The following NBEA variants were observed in gnomAD, a reference collection of about 807,000 sequenced individuals.
The protein encoded by NBEA is neurobeachin.
A neutral mutation model predicts 343.4 loss-of-function variants in NBEA; 44 were observed. The ratio of observed to expected loss-of-function variants is 0.13; its 90% CI spans 0.10 to 0.16. NBEA has a LOEUF of 0.16. Among genes scored for constraint, NBEA ranks in the 10% least tolerant of loss-of-function variants. The pLI is 1.00. For synonymous variants in NBEA, 1,175 were observed against 1,238.7 expected, an observed-to-expected ratio of 0.95 and a Z score of 1.08; for missense variants, 2,555 against 3,631.3, an observed-to-expected ratio of 0.70 and a Z score of 7.62.
intron 30 of NBEA, among the ~76,000 whole-genome samples, chr13:35,187,716 C>A (rs2071820588): frequency 6.6e-6 from 1 of 151,938 alleles, no homozygotes; most frequent in African/African-American, 2.4e-5. Flanking sequence ...AAAGATAAAG[C>A]AGATTATGTC....
intron 40 of NBEA, among the ~76,000 whole-genome samples, chr13:35,469,913 C>G (rs1036378357): frequency 6.6e-6 from 1 of 152,180 alleles, no homozygotes; most frequent in East Asian, 1.9e-4. Flanking sequence ...CTTATGTAAA[C>G]ATTTTAATAT....
intron 33 of NBEA, among the ~76,000 whole-genome samples, chr13:35,224,527 G>A (rs1010837515): frequency 6.6e-6 from 1 of 151,766 alleles, no homozygotes; most frequent in East Asian, 1.9e-4. Context: ...TCTTTCCTTG[G>A]CTTCATTGAG....
At chr13:35,201,010 A>T (rs78560492) in intron 31 of NBEA, among the ~76,000 whole-genome samples, 1 of 91,986 alleles carries the variant, frequency 1.1e-5, no homozygotes, top group South Asian at 3.7e-4. Context: ...TCTTATTACT[A>T]TTTTTTTAAA....
At chr13:35,223,566 T>G (rs1417943057) in intron 33 of NBEA, among the ~76,000 whole-genome samples, 7 of 152,200 alleles carry the variant, frequency 4.6e-5, no homozygotes, top group Non-Finnish European at 1.0e-4. Context: ...GATTTTCTCT[T>G]TATATTTGAA....
Position 35,282,069 on chromosome 13 carries a change from C to T in NBEA, c.5777-8320C>T, listed in dbSNP as rs183581209. Among the ~76,000 whole-genome samples, 1,056 of 151,580 alleles carry T rather than the reference C, an allele frequency of 7.0e-3. 11 individuals carry two copies. The highest frequency in any genetic ancestry group is 0.024 in the African/African-American group (992 of 41,234). ...CTGAGACTACAGGCGCCTGCTACCACGCCCGGCTAATTTTTTTTTTTTGTA... is the reference window on the plus strand; with the variant it reads ...CTGAGACTACAGGCGCCTGCTACCATGCCCGGCTAATTTTTTTTTTTTGTA... On this transcript the variant is annotated intron_variant, in intron 34 of 58. Transcript: ENST00000379939.
chr13:35,648,457 GT>G (rs2084354906), intron 51 of NBEA, among the ~76,000 whole-genome samples: 2 of 151,920 alleles, frequency 1.3e-5, no homozygotes, highest in African/African-American at 4.8e-5. Flanking sequence ...TGGCAGAAGA[GT>G]TTTATTCCCG....
At chr13:35,302,186 T>A (rs1406035114) in intron 35 of NBEA, among the ~76,000 whole-genome samples, 1 of 152,198 alleles carries the variant, frequency 6.6e-6, no homozygotes, top group Non-Finnish European at 1.5e-5. Flanking sequence ...TGAATTAGAT[T>A]ACTTTAGATA....
chr13:35,455,474 T>C (rs940940958), intron 40 of NBEA, among the ~76,000 whole-genome samples: 1 of 152,080 alleles, frequency 6.6e-6, no homozygotes, highest in African/African-American at 2.4e-5. Context: ...AACCAGCTTT[T>C]TTCGACATAT....
chr13:35,247,390 C>A (rs1344071117), intron 34 of NBEA, among the ~76,000 whole-genome samples: 1 of 152,294 alleles, frequency 6.6e-6, no homozygotes, highest in South Asian at 2.1e-4. Flanking sequence ...GGCAGCCCTC[C>A]CCAAAGACCC....
chr13:35,181,508 G>GTT (rs761872439), intron 28 of NBEA, among the ~76,000 whole-genome samples: 24 of 142,220 alleles, frequency 1.7e-4, no homozygotes, highest in African/African-American at 5.1e-4. Context: ...TTTTGGATGA[G>GTT]TTTTTTTTTT....
At chr13:35,657,694 A>C (rs1295795809) in intron 55 of NBEA, among the ~76,000 whole-genome samples, 1 of 152,208 alleles carries the variant, frequency 6.6e-6, no homozygotes, top group Non-Finnish European at 1.5e-5. Context: ...TAAAAAGTTT[A>C]ATTAAGCAGC....
intron 1 of NBEA, among the ~76,000 whole-genome samples, chr13:34,997,110 T>G (rs946632876): frequency 8.5e-5 from 13 of 152,166 alleles, no homozygotes; most frequent in African/African-American, 2.9e-4. Flanking sequence ...CTTCTCCAGT[T>G]TATACTGTTA....
chr13:35,433,587 G>T (rs1164896923), intron 39 of NBEA, among the ~76,000 whole-genome samples: 1 of 151,692 alleles, frequency 6.6e-6, no homozygotes, highest in South Asian at 2.1e-4. Flanking sequence ...AACTTAATAA[G>T]CATCAAAATA....
At chr13:35,296,360 G>T (rs993673977) in intron 35 of NBEA, among the ~76,000 whole-genome samples, 1 of 146,330 alleles carries the variant, frequency 6.8e-6, no homozygotes, top group Non-Finnish European at 1.5e-5. Context: ...CAGCCTAGGC[G>T]ACAGAGCGAG....
At chr13:34,978,340 C>T (rs2060247611) in intron 1 of NBEA, among the ~76,000 whole-genome samples, 1 of 152,126 alleles carries the variant, frequency 6.6e-6, no homozygotes, top group Non-Finnish European at 1.5e-5. Context: ...CACCTAGAGT[C>T]TACAATTTAC....
At chr13:35,400,110 T>G (rs2152906001) in intron 38 of NBEA, among the ~76,000 whole-genome samples, 1 of 146,186 alleles carries the variant, frequency 6.8e-6, no homozygotes, top group African/African-American at 2.5e-5. Flanking sequence ...TACTAAAATG[T>G]GACAGAGACA....
rs188782718 is a variant in NBEA at position 35,313,395 on chromosome 13, G to T, written c.5903+3803G>T. The stretch of plus-strand genomic sequence containing the variant: ...TCTCTATATTCTGGAATAGTGCCTA[G>T]CATGTAGTTAGCATGCTAATGAAAT... On this transcript the variant is annotated intron_variant, in intron 36 of 58. Transcript: ENST00000379939. 1.5e-3 allele frequency among the ~76,000 whole-genome samples: 229 copies of T among 152,260 alleles called. 1 individual carries two copies. Among genetic ancestry groups the T allele is most frequent in the African/African-American group, 5.4e-3 (224 of 41,560 alleles).
chr13:35,372,698 C>T (rs1399278833), intron 38 of NBEA, among the ~76,000 whole-genome samples: 1 of 151,976 alleles, frequency 6.6e-6, no homozygotes, highest in Non-Finnish European at 1.5e-5. Context: ...TGGTGTCTAT[C>T]CTTAGCACAC....
chr13:35,153,891 C>T (rs1017161701), intron 18 of NBEA, among the ~76,000 whole-genome samples: 3 of 152,078 alleles, frequency 2.0e-5, no homozygotes, highest in Non-Finnish European at 2.9e-5. Context: ...CCAGGGTCTT[C>T]GGGGCAAGTT....
Sources: allele counts gnomAD v4.1 joint callset (sites outside exome capture counted in the v4.1 genomes callset), GRCh38; gene constraint gnomAD v4.1.1; transcripts MANE v1.5; gene names NCBI Gene and HGNC (gene_info 2026-07-23, HGNC 2026-07-21).